Variants in SCARB2 observed in about 807,000 individuals in gnomAD.
SCARB2 encodes the protein scavenger receptor class B member 2.
Under a neutral mutation model 58.6 loss-of-function variants are expected in SCARB2, and 29 were observed. The ratio of observed to expected loss-of-function variants is 0.49; its 90% CI spans 0.37 to 0.67. The LOEUF is 0.67. SCARB2 is among the 30% of genes least tolerant of loss of function. The probability of loss-of-function intolerance (pLI) is 0.00; values close to 1 mark genes in which losing one functional copy is unlikely to be tolerated. For missense variants in SCARB2, 488 were observed against 578.5 expected, an observed-to-expected ratio of 0.84 and a Z score of 1.60; for synonymous variants, 195 against 210.1, an observed-to-expected ratio of 0.93 and a Z score of 0.62.
chr4:76,164,783 C>A (rs1458224291), intron 10 of SCARB2: 2 of 145,664 alleles, frequency 1.4e-5, no homozygotes, highest in East Asian at 2.0e-4. Flanking sequence ...GAGAGTGAGA[C>A]CTTGTCTCAA....
intron 3 of SCARB2, chr4:76,179,995 G>A (rs958928604): frequency 4.6e-6 from 2 of 432,204 alleles, no homozygotes; most frequent in African/African-American, 4.0e-5. Context: ...GTAAACATGT[G>A]GGCATCTTTG....
intron 2 of SCARB2, chr4:76,191,957 G>T (rs1732616362): frequency 6.6e-6 from 1 of 152,216 alleles, no homozygotes. Context: ...GTTTAGTAGA[G>T]GTGGGGTTTT....
At chr4:76,161,916 T>A in intron 11 of SCARB2, 165 bp from the exon 12 acceptor site, 1 of 673,422 alleles carries the variant, frequency 1.5e-6, no homozygotes, top group South Asian at 1.6e-5. Context: ...TTCTTGAAGA[T>A]TCAGCAGGCC....
At chr4:76,188,506 TC>T (rs1732533346) in intron 2 of SCARB2, among the ~76,000 whole-genome samples, 1 of 152,184 alleles carries the variant, frequency 6.6e-6, no homozygotes, top group Admixed American at 6.5e-5. Context: ...CCCTCCACAG[TC>T]TTGCTTGGCC....
At chr4:76,168,516 T>C in intron 8 of SCARB2, 40 bp from the exon 9 acceptor site, 1 of 1,566,868 alleles carries the variant, frequency 6.4e-7, no homozygotes, top group Non-Finnish European at 8.8e-7. Context: ...TTAGGATTTA[T>C]TAAACTGCAA....
intron 1 of SCARB2, among the ~76,000 whole-genome samples, chr4:76,226,940 G>A (rs990577145): frequency 6.6e-6 from 1 of 151,616 alleles, no homozygotes; most frequent in Non-Finnish European, 1.5e-5. Context: ...TCTCACTAAT[G>A]GTCTATCAAT....
Position 76,160,892 on chromosome 4 carries a change from C to T in SCARB2, c.*821G>A, listed in dbSNP as rs1341859224. ...TTACATTCTCTCAGAAGCATCTTTT[C>T]GTAGCATGATCATTTTGACTAAAAA... On this transcript the variant is annotated 3_prime_UTR_variant, in exon 12 of 12. Transcript: ENST00000264896. 13 of 152,060 alleles carry T rather than the reference C, an allele frequency of 8.5e-5. No homozygotes were observed. Among genetic ancestry groups the T allele is most frequent in the Admixed American group, 6.6e-4 (10 of 15,262 alleles). The allele number at this position is 152,060 out of a possible 1,614,324, so 9.4% of individuals were successfully genotyped here. A position where few individuals can be genotyped will look rare whatever the true frequency, so the allele number is the denominator to read the frequency against.
At chr4:76,202,652 TA>T (rs1294095313) in intron 1 of SCARB2, among the ~76,000 whole-genome samples, 3 of 152,064 alleles carry the variant, frequency 2.0e-5, no homozygotes. Flanking sequence ...ATGAAGAAAG[TA>T]AAAGGAACAA....
chr4:76,192,708 CAGGCATG>C (rs1421585995), intron 2 of SCARB2: 1 of 151,988 alleles, frequency 6.6e-6, no homozygotes, highest in East Asian at 1.9e-4. Flanking sequence ...AAAAATTAGC[CAGGCATG>C]GTGGCACTTG....
chr4:76,225,861 A>G (rs1043061026), intron 1 of SCARB2, among the ~76,000 whole-genome samples: 3 of 151,860 alleles, frequency 2.0e-5, no homozygotes, highest in Non-Finnish European at 4.4e-5. Flanking sequence ...TGTTGTTGTT[A>G]TGTCTTTTCC....
chr4:76,188,586 C>T (rs1732535811), intron 2 of SCARB2, among the ~76,000 whole-genome samples: 1 of 152,224 alleles, frequency 6.6e-6, no homozygotes, highest in Non-Finnish European at 1.5e-5. Context: ...GCTACATGCC[C>T]TCCCCTTCCT....
chr4:76,182,765 C>T (rs182049814), intron 2 of SCARB2, among the ~76,000 whole-genome samples: 1 of 152,148 alleles, frequency 6.6e-6, no homozygotes, highest in African/African-American at 2.4e-5. Context: ...GAAACTGGTA[C>T]GTAAAAATGC....
chr4:76,218,930 C>T (rs2109978449), intron 1 of SCARB2, among the ~76,000 whole-genome samples: 1 of 152,308 alleles, frequency 6.6e-6, no homozygotes, highest in East Asian at 1.9e-4. Flanking sequence ...TCATTTACTC[C>T]TTACAATGCC....
chr4:76,162,915 CTG>C (rs1731928232), intron 11 of SCARB2: 12 of 554,850 alleles, frequency 2.2e-5, no homozygotes, highest in Non-Finnish European at 3.5e-5. Context: ...AGATGTGTAA[CTG>C]TTATATATTC....
chr4:76,197,494 C>T (rs775165234), intron 1 of SCARB2, among the ~76,000 whole-genome samples: 30 of 152,180 alleles, frequency 2.0e-4, no homozygotes, highest in Non-Finnish European at 3.7e-4. Context: ...AGTCCAGCCT[C>T]GTTCCACTGA....
chr4:76,169,825 A>G, intron 8 of SCARB2, 42 bp downstream of exon 8: 2 of 1,459,108 alleles, frequency 1.4e-6, no homozygotes, highest in East Asian at 2.3e-5. Flanking sequence ...TATAGACAGA[A>G]TAAAACATAT....
In SCARB2 at chr4:76,226,838, A is replaced by T. The variant is rs1251593686; in HGVS notation, c.-358+7465T>A. Among the ~76,000 whole-genome samples the T allele has an allele frequency of 2.0e-5, 3 of 152,106 alleles. No homozygotes were observed. In the East Asian group the frequency reaches 5.8e-4, roughly 29 times the overall value. ...AAGATGTTCATAGTGACCTTAAATG[A>T]TCTTTTGTATTTCTGTGATATTGGT... On this transcript the variant is annotated intron_variant, in intron 1 of 11. Coordinates refer to the SCARB2 transcript ENST00000638295.
intron 6 of SCARB2, 145 bp downstream of exon 6, chr4:76,175,646 T>C: frequency 1.0e-6 from 1 of 954,030 alleles, no homozygotes; most frequent in Non-Finnish European, 1.6e-6. Context: ...CACTATACTG[T>C]CTCGATGTGC....
rs1251278281 is a variant in SCARB2, at chr4:76,175,784, C to A, written c.824+7G>T. 3 of 1,613,872 alleles carry A rather than the reference C, an allele frequency of 1.9e-6. No homozygotes were observed. Among genetic ancestry groups the A allele is most frequent in the South Asian group, 1.1e-5 (1 of 91,076 alleles). ...TTTGAAAAAGAACTTATCTTTAAAG[C>A]TTTTACCTGCAAAAGTCAGATGGGA... On this transcript the variant is annotated splice_region_variant and intron_variant, in intron 6 of 11. Transcript: ENST00000264896.
Sources: gnomAD v4.1 joint callset for allele counts (sites outside exome capture counted in the v4.1 genomes callset) on GRCh38, gnomAD v4.1.1 for gene constraint, MANE v1.5 for transcripts, NCBI Gene and HGNC (gene_info 2026-07-23, HGNC 2026-07-21) for gene names.